The following SLC38A7 variants were observed in gnomAD, a reference collection of about 807,000 sequenced individuals.
SLC38A7 encodes sodium-coupled neutral amino acid transporter 7.
Under a neutral mutation model 50.1 loss-of-function variants are expected in SLC38A7, and 29 were observed. The ratio of observed to expected loss-of-function variants is 0.58; its 90% CI spans 0.43 to 0.79. The LOEUF (loss-of-function observed/expected upper bound fraction) is 0.79, where lower values mean the gene tolerates loss of function less well. Ranked by LOEUF, SLC38A7 falls within the 30% of genes least tolerant of loss-of-function variation. The pLI is 0.00. For synonymous variants in SLC38A7, 244 were observed against 245.9 expected (o/e 0.99, Z 0.07); for missense variants, 483 against 610.6 (o/e 0.79, Z 2.20).
chr16:58,681,329 A>G (rs2044384131), intron 2 of SLC38A7: 2 of 151,938 alleles, frequency 1.3e-5, no homozygotes, highest in South Asian at 4.2e-4. Flanking sequence ...TATCTGCCCC[A>G]CTCCTGGGTC....
chr16:58,677,712 C>T, intron 5 of SLC38A7: 1 of 413,404 alleles, frequency 2.4e-6, no homozygotes, highest in East Asian at 4.7e-5. Flanking sequence ...AGCTCCAAAG[C>T]ACACCTGGGA....
At chr16:58,683,554 A>G (rs1223122741) in intron 2 of SLC38A7, 3 of 152,304 alleles carry the variant, frequency 2.0e-5, no homozygotes, top group African/African-American at 7.2e-5. Flanking sequence ...CAACTCAGCA[A>G]AATCAAAGCA....
In SLC38A7 at chr16:58,678,290, C is replaced by T; in HGVS notation, c.611+43G>A. 2 of 1,499,256 alleles carry T rather than the reference C, an allele frequency of 1.3e-6. No homozygotes were observed. The highest frequency in any genetic ancestry group is 1.4e-5 in the South Asian group (1 of 70,644). The allele number at this position is 1,499,256 out of a possible 1,614,324, so 92.9% of individuals were successfully genotyped here. A position where few individuals can be genotyped will look rare whatever the true frequency, so the allele number is the denominator to read the frequency against. ...AGGAGCCCTTGGGTCTACAGCTGCC[C>T]AGGATCATAGCTTCTGTCTGACCCA... On this transcript the variant is annotated intron_variant, in intron 5 of 11. Transcript: ENST00000219320. This position sits in a 1 kb window ranked among gnomAD's most constrained non-coding sequence, Gnocchi z 4.0.
At position 58,678,819 on chromosome 16, in the gene SLC38A7, G is replaced by T; in HGVS notation, c.346C>A (p.Gln116Lys). The T allele has an allele frequency of 6.2e-7, 1 of 1,614,166 alleles. No homozygotes were observed. The highest frequency in any genetic ancestry group is 8.5e-7 in the Non-Finnish European group (1 of 1,180,032). ...CSQASNERTY[Q>K]EVVWAVCGKL... is the part of the protein sequence containing the mutation. ...CCACACACAGCCCATACCACCTCCT[G>T]GTAGGTCCTCTCATTGCTGGCCTGG... Residue 116 changes from glutamine to lysine, a missense_variant, in exon 4 of 12, where the codon CAG becomes AAG. By Grantham distance (53) the Gln-to-Lys change is moderately conservative (BLOSUM62 1). Coordinates refer to ENST00000219320, the MANE Select transcript of SLC38A7 (RefSeq NM_018231.3). This position sits in a 1 kb window ranked among gnomAD's most constrained non-coding sequence, Gnocchi z 4.0.
At chr16:58,679,746 G>A (rs761558675) in intron 3 of SLC38A7, 111 bp downstream of exon 3, 12 of 1,390,664 alleles carry the variant, frequency 8.6e-6, no homozygotes. Flanking sequence ...GTGTGAGGGA[G>A]GGGAGAGCAG....
rs761320941 is a variant in SLC38A7 at position 58,675,924 on chromosome 16, G to T, written c.883+16C>A. 6.2e-5 allele frequency: 99 copies of T among 1,587,920 alleles called. No homozygotes were observed. The highest frequency in any genetic ancestry group is 1.7e-4 in the Middle Eastern group (1 of 6,030). On this transcript the variant is annotated intron_variant, in intron 8 of 11. Transcript: ENST00000219320. ...GAGCACTCTAGTCCCAGGTCTTGGG[G>T]GGGGGGAGCACTCACCTGTCCCCAT...
rs190120221 is a variant in SLC38A7 at position 58,668,959 on chromosome 16, G to T, written c.1286+1154C>A. ...TAATTTTTGTATTTTTAGTAAAGAC[G>T]GGGTTTTGCCATGTTGGCCAGGCTG... is the stretch of plus-strand genomic sequence containing the variant. On this transcript the variant is annotated intron_variant, in intron 11 of 11. Coordinates refer to ENST00000219320, the MANE Select transcript of SLC38A7 (RefSeq NM_018231.3). Among the ~76,000 whole-genome samples the T allele has an allele frequency of 1.8e-3, 276 of 151,508 alleles. 1 individual carries two copies. Among genetic ancestry groups the T allele is most frequent in the African/African-American group, 6.4e-3 (264 of 41,420 alleles).
chr16:58,674,940 G>C (rs76230205), intron 8 of SLC38A7, among the ~76,000 whole-genome samples: 1 of 151,812 alleles, frequency 6.6e-6, no homozygotes, highest in Admixed American at 6.6e-5. Flanking sequence ...ACACTTCCTC[G>C]ATGACTCCCA....
At position 58,671,127 on chromosome 16, in the gene SLC38A7, C is replaced by G; in HGVS notation, c.1149G>C (p.Leu383=). 6.2e-7 allele frequency: 1 copy of G among 1,613,988 alleles called. No homozygotes were observed. Among genetic ancestry groups the G allele is most frequent in the Non-Finnish European group, 8.5e-7 (1 of 1,179,940 alleles). The change falls in exon 10 of 12, where the codon CTG becomes CTC. Residue 383 remains leucine (L), a synonymous_variant. Coordinates refer to ENST00000219320, the MANE Select transcript of SLC38A7 (RefSeq NM_018231.3). ...CGATGTCAGGGATGAAGAGCGCCAG[C>G]AGCAGGGTGAGCAGGAACCAGACCA... The part of the protein sequence containing the change: ...QTLVWFLLTL[L]LALFIPDIGK...
intron 5 of SLC38A7, among the ~76,000 whole-genome samples, chr16:58,677,868 C>T (rs944822759): frequency 1.3e-5 from 2 of 152,028 alleles, no homozygotes; most frequent in African/African-American, 2.4e-5. Context: ...TTGGAGAGAG[C>T]GGAGCATGGC....
At chr16:58,669,319 T>C (rs1408965416) in intron 11 of SLC38A7, among the ~76,000 whole-genome samples, 1 of 151,664 alleles carries the variant, frequency 6.6e-6, no homozygotes, top group African/African-American at 2.4e-5. Context: ...TTCACCATGT[T>C]GGTCAGGCTG....
At position 58,675,516 on chromosome 16, in the gene SLC38A7, C is replaced by G. The variant is rs114094787; in HGVS notation, c.883+424G>C. Among the ~76,000 whole-genome samples the G allele has an allele frequency of 3.7e-3, 564 of 152,176 alleles. 5 individuals carry two copies. Among genetic ancestry groups the G allele is most frequent in the African/African-American group, 0.013 (539 of 41,500 alleles). ...GGCGACAGTTTCTGAGACCCTTTCT[C>G]AAAACAAAATAAAATAGAATAAAAC... On this transcript the variant is annotated intron_variant, in intron 8 of 11. Transcript: ENST00000219320.
rs76501225 is a variant in SLC38A7, at chr16:58,680,492, T to C, written c.-115-251A>G. Among the ~76,000 whole-genome samples, 548 of 152,272 alleles carry C rather than the reference T, an allele frequency of 3.6e-3. 5 individuals carry two copies. Among genetic ancestry groups the C allele is most frequent in the African/African-American group, 0.013 (526 of 41,558 alleles). ...TCAACATAAAATGGGTACTAACACATCAGCACTCGATAGAGGCCCCGCATC... is the reference window on the plus strand; with the variant it reads ...TCAACATAAAATGGGTACTAACACACCAGCACTCGATAGAGGCCCCGCATC... On this transcript the variant is annotated intron_variant, in intron 2 of 11. Transcript: ENST00000219320.
In SLC38A7 at chr16:58,680,220, T is replaced by A. The variant is rs973684065; in HGVS notation, c.-94A>T. On this transcript the variant is annotated 5_prime_UTR_variant, in exon 3 of 12. Transcript: ENST00000219320. Reference sequence around the variant, plus strand: ...AGCAACACCCACCTGTTTGGGGCTGTTAGCTTAGGACTCTTCTCAACCTAG... The same window carrying A: ...AGCAACACCCACCTGTTTGGGGCTGATAGCTTAGGACTCTTCTCAACCTAG... The A allele has an allele frequency of 1.4e-6, 2 of 1,403,150 alleles. No individual in the cohort carries two copies. The highest frequency in any genetic ancestry group is 2.9e-5 in the African/African-American group (2 of 69,280). The allele number at this position is 1,403,150 out of a possible 1,614,324, so 86.9% of individuals were successfully genotyped here. A position where few individuals can be genotyped will look rare whatever the true frequency, so the allele number is the denominator to read the frequency against.
rs35439184 is a variant in SLC38A7 at position 58,673,238 on chromosome 16, A to ATT, written c.884-997_884-996dup. On this transcript the variant is annotated intron_variant, in intron 8 of 11. Coordinates refer to ENST00000219320, the MANE Select transcript of SLC38A7 (RefSeq NM_018231.3). ...AGTCACCTGCCGCCACACCTGGCTA[A>ATT]TTTTTTTTTTTTTTTGAGATGGAGT... is the stretch of plus-strand genomic sequence containing the variant. Among the ~76,000 whole-genome samples, 385 of 137,720 alleles carry ATT rather than the reference A, an allele frequency of 2.8e-3. 4 individuals are homozygous for ATT. The highest frequency in any genetic ancestry group is 0.012 in the East Asian group (57 of 4,768). 90.3% of individuals were successfully genotyped at this position (137,720 alleles called of 152,430 possible).
intron 9 of SLC38A7, chr16:58,671,552 T>C (rs2152075726): frequency 4.3e-6 from 2 of 464,798 alleles, no homozygotes; most frequent in Non-Finnish European, 7.7e-6. Context: ...AGGATCTGGA[T>C]AGAGATTCTT....
At chr16:58,675,015 C>A (rs986816618) in intron 8 of SLC38A7, among the ~76,000 whole-genome samples, 8 of 152,164 alleles carry the variant, frequency 5.3e-5, no homozygotes, top group Non-Finnish European at 1.0e-4. Context: ...CCTTCACCTG[C>A]CCCCATCACA....
At chr16:58,681,691 C>T (rs2044390916) in intron 2 of SLC38A7, 2 of 152,250 alleles carry the variant, frequency 1.3e-5, no homozygotes, top group South Asian at 4.2e-4. Flanking sequence ...CCCCTTTAGG[C>T]CTTTACATCA....
At position 58,678,784 on chromosome 16, in the gene SLC38A7, T is replaced by A. The variant is rs774600266; in HGVS notation, c.381A>T (p.Thr127=). Residue 127 remains threonine (T), a synonymous_variant, in exon 4 of 12, where the codon ACA becomes ACT. Coordinates refer to ENST00000219320, the MANE Select transcript of SLC38A7 (RefSeq NM_018231.3). This position sits in a 1 kb window ranked among gnomAD's most constrained non-coding sequence, Gnocchi z 4.0. ...CGATGGCCACCTCACATAGCACACC[T>A]GTCAGCTTGCCACACACAGCCCATA... The part of the protein sequence containing the change: ...EVVWAVCGKL[T]GVLCEVAIAV... 1.2e-6 allele frequency: 2 copies of A among 1,614,206 alleles called. No homozygotes were observed. The highest frequency in any genetic ancestry group is 1.1e-5 in the South Asian group (1 of 91,086).
Sources: gnomAD v4.1 joint callset for allele counts (sites outside exome capture counted in the v4.1 genomes callset) on GRCh38, gnomAD v4.1.1 for gene constraint, Gnocchi (gnomAD v3.1) non-coding constraint, MANE v1.5 for transcripts, NCBI Gene and HGNC (gene_info 2026-07-23, HGNC 2026-07-21) for gene names.